The following MCTP1 variants were observed in gnomAD, a reference collection of about 807,000 sequenced individuals.
The protein encoded by MCTP1 is multiple C2 and transmembrane domain containing 1.
A neutral mutation model predicts 120.6 loss-of-function variants in MCTP1; 69 were observed. That is an observed-to-expected ratio of 0.57 (90% CI 0.47 to 0.70). MCTP1 has a LOEUF of 0.70. Among genes scored for constraint, MCTP1 ranks in the 30% least tolerant of loss-of-function variants. The pLI, the probability that MCTP1 is intolerant of heterozygous loss-of-function variation, is 0.00. For missense variants in MCTP1, 1,203 were observed against 1,248.8 expected (o/e 0.96, Z 0.55); for synonymous variants, 529 against 493.1 (o/e 1.07, Z -0.96).
intron 1 of MCTP1, among the ~76,000 whole-genome samples, chr5:95,074,695 G>A (rs932958616): frequency 1.3e-5 from 2 of 152,056 alleles, no homozygotes; most frequent in African/African-American, 2.4e-5. Context: ...TCAGGTATGC[G>A]GAAAAGCTTC....
chr5:94,710,032 A>AGG (rs1183608217), intron 21 of MCTP1: 1 of 152,116 alleles, frequency 6.6e-6, no homozygotes, highest in African/African-American at 2.4e-5. Flanking sequence ...TAGCAGTCTT[A>AGG]GGTGTATGTG....
At chr5:94,867,683 C>G (rs1957999360) in intron 17 of MCTP1, 1 of 286,948 alleles carries the variant, frequency 3.5e-6, no homozygotes, top group Non-Finnish European at 6.5e-6. Context: ...GCAAAGTATT[C>G]TTTTGGATTT....
chr5:94,904,525 A>G (rs1397978393), intron 10 of MCTP1, among the ~76,000 whole-genome samples: 2 of 152,216 alleles, frequency 1.3e-5, no homozygotes, highest in African/African-American at 4.8e-5. Context: ...ATGAAAAGTT[A>G]TAGTAAGTGT....
intron 1 of MCTP1, among the ~76,000 whole-genome samples, chr5:95,178,074 G>A (rs192046304): frequency 2.6e-5 from 4 of 152,214 alleles, no homozygotes; most frequent in South Asian, 2.1e-4. Context: ...TGTGACTGCC[G>A]TCTTTCCCCC....
intron 19 of MCTP1, among the ~76,000 whole-genome samples, chr5:94,730,512 T>C (rs1341259115): frequency 1.3e-5 from 2 of 152,148 alleles, no homozygotes; most frequent in Non-Finnish European, 2.9e-5. Context: ...AAAGGGCAGA[T>C]GAAGAGTTGT....
intron 19 of MCTP1, among the ~76,000 whole-genome samples, chr5:94,725,559 T>A (rs1761951091): frequency 6.6e-6 from 1 of 152,242 alleles, no homozygotes. Flanking sequence ...GTTTACTTCA[T>A]TTTCAAATAT....
chr5:94,710,969 A>T (rs748321806), intron 20 of MCTP1, 42 bp from the exon 21 acceptor site: 3 of 1,321,414 alleles, frequency 2.3e-6, no homozygotes, highest in Non-Finnish European at 3.2e-6. Context: ...AGTACTTCAT[A>T]CTTTTTTCAA....
intron 19 of MCTP1, among the ~76,000 whole-genome samples, chr5:94,733,609 C>G (rs907415265): frequency 6.6e-6 from 1 of 150,800 alleles, no homozygotes; most frequent in Non-Finnish European, 1.5e-5. Flanking sequence ...TTCCCTATTT[C>G]CTGGATATGT....
At chr5:94,965,362 T>G (rs1825337998) in intron 2 of MCTP1, among the ~76,000 whole-genome samples, 1 of 152,214 alleles carries the variant, frequency 6.6e-6, no homozygotes, top group South Asian at 2.1e-4. Context: ...AGGAGATCTC[T>G]CTAGTCCTCA....
chr5:94,942,255 G>C (rs1452644322), intron 4 of MCTP1, 93 bp downstream of exon 4: 1 of 890,082 alleles, frequency 1.1e-6, no homozygotes, highest in East Asian at 2.6e-5. Flanking sequence ...CACTATAAAT[G>C]ACAGAACTAG....
chr5:94,815,556 A>T (rs781379478), intron 17 of MCTP1, among the ~76,000 whole-genome samples: 1 of 152,162 alleles, frequency 6.6e-6, no homozygotes, highest in Non-Finnish European at 1.5e-5. Flanking sequence ...GCAACATTGC[A>T]CTTCTTTCAT....
At chr5:94,958,496 A>G (rs1316725088) in intron 2 of MCTP1, among the ~76,000 whole-genome samples, 1 of 152,196 alleles carries the variant, frequency 6.6e-6, no homozygotes. Context: ...TTTTGAAAAG[A>G]TTAACAAAAC....
intron 1 of MCTP1, among the ~76,000 whole-genome samples, chr5:95,094,318 A>G (rs1756061760): frequency 1.3e-5 from 2 of 152,160 alleles, no homozygotes; most frequent in South Asian, 4.1e-4. Context: ...TTGGATCTCT[A>G]TCACTCAACT....
chr5:94,881,613 G>A (rs1430454866), intron 12 of MCTP1, among the ~76,000 whole-genome samples: 2 of 152,088 alleles, frequency 1.3e-5, no homozygotes, highest in African/African-American at 4.8e-5. Flanking sequence ...GTGTGTGTGT[G>A]TGTGTTGATC....
intron 1 of MCTP1, among the ~76,000 whole-genome samples, chr5:95,195,345 A>G (rs1326154691): frequency 6.6e-6 from 1 of 152,154 alleles, no homozygotes; most frequent in Non-Finnish European, 1.5e-5. Flanking sequence ...GGAATGGGAA[A>G]GTAAAAGTTC....
Position 95,284,464 on chromosome 5 carries a change from C to A in MCTP1, c.112G>T (p.Gly38Cys). ...LQLGVGRSKG[G>C]GGGRAGGPER... ...GGACCCCCAGCGCGCCCGCCCCCGC[C>A]GCCCTTGCTCCTGCCCACCCCCAGC... Residue 38 changes from glycine (G) to cysteine (C), a missense_variant, in exon 1 of 23, where the codon GGC becomes TGC. Gly to Cys is a radical substitution (Grantham distance 159). Around this residue, in one of 2 missense-constraint regions of MCTP1, gnomAD observed 463 missense variants for 377.8 expected, o/e 1.23. Coordinates refer to ENST00000515393, the MANE Select transcript of MCTP1 (RefSeq NM_024717.7). This position sits in a 1 kb window ranked among gnomAD's most constrained non-coding sequence, Gnocchi z 5.2. 1 of 1,511,972 alleles carries A rather than the reference C, an allele frequency of 6.6e-7. No homozygotes were observed. The highest frequency in any genetic ancestry group is 8.8e-7 in the Non-Finnish European group (1 of 1,137,390). 93.7% of individuals were successfully genotyped at this position (1,511,972 alleles called of 1,614,324 possible).
chr5:95,089,864 T>G (rs1582224347), intron 1 of MCTP1, among the ~76,000 whole-genome samples: 1 of 152,284 alleles, frequency 6.6e-6, no homozygotes, highest in Middle Eastern at 3.4e-3. Context: ...CCACAAACAG[T>G]CCAATCATTT....
intron 2 of MCTP1, among the ~76,000 whole-genome samples, chr5:95,006,715 G>A (rs1443584986): frequency 6.6e-6 from 1 of 152,160 alleles, no homozygotes; most frequent in African/African-American, 2.4e-5. Context: ...AACCTGCTCA[G>A]AGACAAAACT....
At chr5:95,106,442 C>A (rs1197757820) in intron 1 of MCTP1, among the ~76,000 whole-genome samples, 2 of 152,152 alleles carry the variant, frequency 1.3e-5, no homozygotes, top group Non-Finnish European at 2.9e-5. Flanking sequence ...GGGAGAAGTA[C>A]AATGTTCTGA....
Sources: gnomAD v4.1 joint callset for allele counts (sites outside exome capture counted in the v4.1 genomes callset) on GRCh38, gnomAD v4.1.1 for gene constraint, gnomAD v4.1.1 regional missense constraint, Gnocchi (gnomAD v3.1) non-coding constraint, MANE v1.5 for transcripts, NCBI Gene and HGNC (gene_info 2026-07-23, HGNC 2026-07-21) for gene names.